ERBB3: variants seen among roughly 807,000 people sequenced by gnomAD.
The protein encoded by ERBB3 is erb-b2 receptor tyrosine kinase 3, also known as receptor tyrosine-protein kinase erbB-3.
In ERBB3, 96 loss-of-function variants were observed where a neutral mutation model predicts 156.7. That is an observed-to-expected ratio of 0.61 (90% CI 0.52 to 0.73). ERBB3 has a LOEUF of 0.73. Among genes scored for constraint, ERBB3 ranks in the 30% least tolerant of loss-of-function variants. The pLI is 0.00. For missense variants in ERBB3, 1,406 were observed against 1,709.4 expected (o/e 0.82, Z 3.13); for synonymous variants, 567 against 632.0 (o/e 0.90, Z 1.54).
chr12:56,080,482 T>A, intron 1 of ERBB3, 100 bp downstream of exon 1: 1 of 954,154 alleles, frequency 1.0e-6, no homozygotes, highest in Non-Finnish European at 1.6e-6. Flanking sequence ...CGGCGCGGGG[T>A]TGTGGGTGCT....
Position 56,083,813 on chromosome 12 carries a change from CTG to C in ERBB3, c.147_148del (p.Tyr50GlnfsTer7), listed in dbSNP as rs764925612. 6.2e-7 allele frequency: 1 copy of C among 1,614,156 alleles called. No homozygotes were observed. ...TGDAENQYQTLYKLYERCEVV... is the reference protein window; with the variant it reads ...TGDAENQYQTXYKLYERCEVV... Reference sequence around the variant, plus strand: ...CGATGCTGAGAACCAATACCAGACACTGTACAAGCTCTACGAGAGGTGTGAGG... The same window carrying C: ...CGATGCTGAGAACCAATACCAGACACTACAAGCTCTACGAGAGGTGTGAGG... On this transcript the variant is annotated frameshift_variant, in exon 2 of 28. Coordinates refer to ENST00000267101, the MANE Select transcript of ERBB3 (RefSeq NM_001982.4). LOFTEE classifies it high-confidence loss of function.
Position 56,102,805 on chromosome 12 carries a change from T to TAAA in ERBB3, c.*750_*751insAAA, listed in dbSNP as rs1565862587. ...CCAACATAGTAAGACCCCCATCTCT[T>TAAA]TAAAAAAAAAAAAAAAAAAAAAAAA... is the stretch of plus-strand genomic sequence containing the variant. On this transcript the variant is annotated 3_prime_UTR_variant, in exon 28 of 28. Coordinates refer to ENST00000267101, the MANE Select transcript of ERBB3 (RefSeq NM_001982.4). The TAAA allele has an allele frequency of 7.0e-4, 13 of 18,544 alleles. No individual in the cohort carries two copies. The highest frequency in any genetic ancestry group is 3.5e-3 in the East Asian group (5 of 1,410). 1.1% of individuals were successfully genotyped at this position (18,544 alleles called of 1,614,324 possible).
In ERBB3 at chr12:56,095,276, C is replaced by T. The variant is rs780132789; in HGVS notation, c.1879C>T (p.Gln627Ter). Residue 627 changes from glutamine to a stop codon, truncating the protein, a stop_gained, in exon 16 of 28, where the codon CAA becomes TAA. Transcript: ENST00000267101. LOFTEE classifies it high-confidence loss of function. ...CCCTAGGTGTAAAGGACCAGAGCTTCAAGACTGTTTAGGACAAACACTGGT... is the reference window on the plus strand; with the variant it reads ...CCCTAGGTGTAAAGGACCAGAGCTTTAAGACTGTTTAGGACAAACACTGGT... ...CTQGCKGPEL[Q>*]DCLGQTLVLI... 6.2e-7 allele frequency: 1 copy of T among 1,613,896 alleles called. No individual in the cohort carries two copies. The highest frequency in any genetic ancestry group is 8.5e-7 in the Non-Finnish European group (1 of 1,179,768).
chr12:56,096,664 C>A (rs1868898491), intron 18 of ERBB3, 42 bp downstream of exon 18: 2 of 1,614,034 alleles, frequency 1.2e-6, no homozygotes, highest in Non-Finnish European at 1.7e-6. Flanking sequence ...GGGAAGGCAT[C>A]TAGGGCAAAG....
At chr12:56,100,462 T>G (rs1869052324) in intron 26 of ERBB3, among the ~76,000 whole-genome samples, 1 of 149,378 alleles carries the variant, frequency 6.7e-6, no homozygotes, top group African/African-American at 2.5e-5. Flanking sequence ...GCCAACATGG[T>G]GAAACCCCGT....
At position 56,094,074 on chromosome 12, in the gene ERBB3, C is replaced by G. The variant is rs145774133; in HGVS notation, c.1614-25C>G. The stretch of plus-strand genomic sequence containing the variant: ...AAGGTCAGGACTTGGAAGTGACCCC[C>G]CCCTCCCTTTATTCCCCACTACAGG... On this transcript the variant is annotated intron_variant, in intron 13 of 27. Coordinates refer to ENST00000267101, the MANE Select transcript of ERBB3 (RefSeq NM_001982.4). 80 of 1,596,958 alleles carry G rather than the reference C, an allele frequency of 5.0e-5. 1 individual carries two copies. In the East Asian group the frequency reaches 1.7e-3, roughly 34 times the overall value.
intron 1 of ERBB3, among the ~76,000 whole-genome samples, chr12:56,081,734 G>A (rs1868356127): frequency 6.6e-6 from 1 of 152,090 alleles, no homozygotes; most frequent in Non-Finnish European, 1.5e-5. Flanking sequence ...TGGGCATCCG[G>A]CCCTGTCTCA....
intron 9 of ERBB3, among the ~76,000 whole-genome samples, chr12:56,090,641 C>T (rs1255521945): frequency 6.6e-6 from 1 of 151,724 alleles, no homozygotes; most frequent in Non-Finnish European, 1.5e-5. Context: ...AGACTCTGTC[C>T]CCCGCCAAAA....
Position 56,088,141 on chromosome 12 carries a change from G to T in ERBB3, c.853G>T (p.Val285Phe), listed in dbSNP as rs149635848. ...NPHTKYQYGG[V>F]CVASCPHNFV... ...CCACACCAAGTATCAGTATGGAGGAGTTTGTGTAGCCAGCTGTCCCCGTAA... is the reference window on the plus strand; with the variant it reads ...CCACACCAAGTATCAGTATGGAGGATTTTGTGTAGCCAGCTGTCCCCGTAA... Residue 285 changes from valine to phenylalanine, a missense_variant, in exon 7 of 28, where the codon GTT (valine) becomes TTT (phenylalanine). Around this residue, in one of 3 missense-constraint regions of ERBB3, gnomAD observed 979 missense variants for 1,219.6 expected, o/e 0.80. Transcript: ENST00000267101. 8 of 1,614,200 alleles carry T rather than the reference G, an allele frequency of 5.0e-6. No homozygotes were observed. Among genetic ancestry groups the T allele is most frequent in the Non-Finnish European group, 6.8e-6 (8 of 1,180,034 alleles).
chr12:56,080,122 C>T (rs1284139748), upstream of ERBB3: 1 of 652,446 alleles, frequency 1.5e-6, no homozygotes, highest in Non-Finnish European at 2.8e-6. Flanking sequence ...ACACACACCC[C>T]TCCCCTGCCA....
rs373842106 is a variant in ERBB3, at chr12:56,086,676, A to T, written c.547+20A>T. ...GAAGCTGTAAGTGGCCGTGATCAAG[A>T]TTGCTCCCCAGTCCCACCAAACCAG... is the stretch of plus-strand genomic sequence containing the variant. On this transcript the variant is annotated intron_variant, in intron 4 of 27. Transcript: ENST00000267101. 5.0e-6 allele frequency: 8 copies of T among 1,613,684 alleles called. No individual in the cohort carries two copies. In the Admixed American group the frequency reaches 6.7e-5, roughly 13 times the overall value.
At chr12:56,088,287 T>C in intron 7 of ERBB3, 125 bp downstream of exon 7, 1 of 1,069,940 alleles carries the variant, frequency 9.3e-7, no homozygotes, top group South Asian at 1.3e-5. Context: ...GTTATGATCA[T>C]CTAACCACTC....
rs746368473 is a variant in ERBB3 at position 56,086,545 on chromosome 12, G to T, written c.436G>T (p.Gly146Cys). The T allele has an allele frequency of 1.2e-6, 2 of 1,614,120 alleles. No individual in the cohort carries two copies. Among genetic ancestry groups the T allele is most frequent in the Non-Finnish European group, 1.7e-6 (2 of 1,180,000 alleles). The change falls in exon 4 of 28, where the codon GGT (glycine) becomes TGT (cysteine). Residue 146 changes from glycine (G) to cysteine (C), a missense_variant. By Grantham distance (159) the Gly-to-Cys change is radical. Coordinates refer to ENST00000267101, the MANE Select transcript of ERBB3 (RefSeq NM_001982.4). ...CCCTACCTCAGAGATTCTGTCAGGGGGTGTTTATATTGAGAAGAACGATAA... is the reference window on the plus strand; with the variant it reads ...CCCTACCTCAGAGATTCTGTCAGGGTGTGTTTATATTGAGAAGAACGATAA... ...LTQLTEILSG[G>C]VYIEKNDKLC...
chr12:56,088,157 G>A lies in ERBB3; in HGVS notation c.869G>A (p.Cys290Tyr), dbSNP rs143406438. Residue 290 changes from cysteine to tyrosine, a missense_variant, in exon 7 of 28, where the codon TGT (cysteine) becomes TAT (tyrosine). Cys to Tyr is a radical substitution (Grantham distance 194). Around this residue, in one of 3 missense-constraint regions of ERBB3, gnomAD observed 979 missense variants for 1,219.6 expected, o/e 0.80. Coordinates refer to ENST00000267101, the MANE Select transcript of ERBB3 (RefSeq NM_001982.4). ...TATGGAGGAGTTTGTGTAGCCAGCT[G>A]TCCCCGTAAGTGTCTGAGGGGAAGG... is the stretch of plus-strand genomic sequence containing the variant. Reference protein sequence around the residue: ...YQYGGVCVASCPHNFVVDQTS... With the variant: ...YQYGGVCVASYPHNFVVDQTS... 28 of 1,613,998 alleles carry A rather than the reference G, an allele frequency of 1.7e-5. No individual in the cohort carries two copies. The highest frequency in any genetic ancestry group is 2.4e-5 in the Non-Finnish European group (28 of 1,180,008).
Position 56,094,521 on chromosome 12 carries a change from T to G in ERBB3, c.1824T>G (p.Asn608Lys). ...GPIYKYPDVQ[N>K]ECRPCHENCT... ...TCTACAAGTACCCAGATGTTCAGAA[T>G]GAATGTCGGCCCTGCCATGAGAACT... is the stretch of plus-strand genomic sequence containing the variant. Residue 608 changes from asparagine to lysine, a missense_variant, in exon 15 of 28, where the codon AAT (asparagine) becomes AAG (lysine). Asn to Lys is a moderately conservative substitution (Grantham distance 94, BLOSUM62 0). This residue lies in a region of ERBB3 where 979 missense variants were observed against 1,219.6 expected (regional missense o/e 0.80). Coordinates refer to ENST00000267101, the MANE Select transcript of ERBB3 (RefSeq NM_001982.4). 6.2e-7 allele frequency: 1 copy of G among 1,614,086 alleles called. No homozygotes were observed. Among genetic ancestry groups the G allele is most frequent in the Non-Finnish European group, 8.5e-7 (1 of 1,180,028 alleles).
intron 16 of ERBB3, 128 bp from the exon 17 acceptor site, chr12:56,095,536 CT>C (rs2136815075): frequency 8.4e-7 from 1 of 1,194,964 alleles, no homozygotes; most frequent in South Asian, 1.3e-5. Flanking sequence ...CCCTTCAGTG[CT>C]TAAGGATATA....
At chr12:56,084,624 G>A (rs1012858349) in intron 2 of ERBB3, among the ~76,000 whole-genome samples, 6 of 146,082 alleles carry the variant, frequency 4.1e-5, no homozygotes, top group Admixed American at 1.4e-4. Context: ...GGCCAAGCTC[G>A]GATCACCTGA....
At chr12:56,100,507 T>G (rs913298077) in intron 26 of ERBB3, among the ~76,000 whole-genome samples, 2 of 151,396 alleles carry the variant, frequency 1.3e-5, no homozygotes, top group African/African-American at 4.9e-5. Flanking sequence ...CTGGGTGTGG[T>G]GGTGCACACC....
At chr12:56,098,147 G>A (rs1868952396) in intron 21 of ERBB3, 1 of 600,862 alleles carries the variant, frequency 1.7e-6, no homozygotes, top group African/African-American at 1.9e-5. Flanking sequence ...GCTCACGCCT[G>A]TAATCCCAAC....
Sources: gnomAD v4.1 joint callset for allele counts (sites outside exome capture counted in the v4.1 genomes callset) on GRCh38, gnomAD v4.1.1 for gene constraint, gnomAD v4.1.1 regional missense constraint, MANE v1.5 for transcripts, NCBI Gene and HGNC (gene_info 2026-07-23, HGNC 2026-07-21) for gene names.